Variants in EPPK1 observed in about 807,000 individuals in gnomAD.
The protein encoded by EPPK1 is epiplakin 1, also known as epiplakin.
For missense variants in EPPK1, 3,823 were observed against 3,673.3 expected, an observed-to-expected ratio of 1.04 and a Z score of -1.05; for synonymous variants, 1,862 against 1,721.2, an observed-to-expected ratio of 1.08 and a Z score of -2.03.
In EPPK1 at chr8:143,867,610, C is replaced by T; in HGVS notation, c.5644G>A (p.Ala1882Thr). The T allele has an allele frequency of 6.2e-7, 1 of 1,613,230 alleles. No homozygotes were observed. The highest frequency in any genetic ancestry group is 2.2e-5 in the East Asian group (1 of 44,886). Residue 1882 changes from alanine (A) to threonine (T), a missense_variant, in exon 2 of 2, where the codon GCA becomes ACA. By Grantham distance (58) the Ala-to-Thr change is moderately conservative (BLOSUM62 0). Transcript: ENST00000615648. ...TLRVGRTGGQ[A>T]LSTLECVKPY... Reference sequence around the variant, plus strand: ...TTCACACACTCCAGCGTGCTGAGTGCCTGTCCCCCAGTCCTCCCCACACGA... The same window carrying T: ...TTCACACACTCCAGCGTGCTGAGTGTCTGTCCCCCAGTCCTCCCCACACGA...
rs544220184 is a variant in EPPK1, at chr8:143,872,312, G to A, written c.942C>T (p.Thr314=). The A allele has an allele frequency of 3.8e-5, 61 of 1,602,650 alleles. No individual in the cohort carries two copies. The highest frequency in any genetic ancestry group is 2.3e-4 in the African/African-American group (17 of 74,866). ...CCTGGGCCTCTAGGAGTGGCAGCGC[G>A]GTGCCCATTGGGAGCAGGTGCTCGG... The part of the protein sequence containing the change: ...AATEHLLPMG[T]ALPLLEAQAA... The change falls in exon 2 of 2, where the codon ACC becomes ACT. Residue 314 remains threonine, a synonymous_variant. Coordinates refer to ENST00000615648, the MANE Select transcript of EPPK1 (RefSeq NM_031308.4).
Position 143,866,668 on chromosome 8 carries a change from T to C in EPPK1, c.6586A>G (p.Met2196Val), listed in dbSNP as rs200828547. ...LLSSAIITEE[M>V]LQDLETGRST... ...CGTCCCGTTTCCAGGTCCTGGAGCA[T>C]TTCCTCCGTGATTATGGCTGAGCTG... The change falls in exon 2 of 2, where the codon ATG (methionine) becomes GTG (valine). Residue 2196 changes from methionine (M) to valine (V), a missense_variant. By Grantham distance (21) the Met-to-Val change is conservative. Coordinates refer to ENST00000615648, the MANE Select transcript of EPPK1 (RefSeq NM_031308.4). The C allele has an allele frequency of 8.5e-4, 1,372 of 1,613,078 alleles. 1 individual carries two copies. The highest frequency in any genetic ancestry group is 1.1e-3 in the Non-Finnish European group (1,301 of 1,179,870).
chr8:143,870,641 C>T lies in EPPK1; in HGVS notation c.2613G>A (p.Glu871=), dbSNP rs1554660858. ...LGQVAKLLEA[E]TQRQADIMLP... ...GCATGATGTCCGCCTGTCTCTGCGT[C>T]TCCGCCTCCAGCAGCTTTGCCACCT... is the stretch of plus-strand genomic sequence containing the variant. The change falls in exon 2 of 2, where the codon GAG becomes GAA. Residue 871 remains glutamate (E), a synonymous_variant. Coordinates refer to ENST00000615648, the MANE Select transcript of EPPK1 (RefSeq NM_031308.4). This position sits in a 1 kb window ranked among gnomAD's most constrained non-coding sequence, Gnocchi z 5.2. 6.2e-7 allele frequency: 1 copy of T among 1,606,536 alleles called. No individual in the cohort carries two copies.
At position 143,869,219 on chromosome 8, in the gene EPPK1, C is replaced by T. The variant is rs1176555563; in HGVS notation, c.4035G>A (p.Gly1345=). The change falls in exon 2 of 2, where the codon GGG becomes GGA. Residue 1345 remains glycine (G), a synonymous_variant. Transcript: ENST00000615648. ...GCAAGCCCTCGTTCTGTGGCACGAG[C>T]CCCTTCTCCATGGCCTGCCACAGAG... The part of the protein sequence containing the change: ...SLSLWQAMEK[G]LVPQNEGLPL... 3 of 1,610,792 alleles carry T rather than the reference C, an allele frequency of 1.9e-6. No individual in the cohort carries two copies. Among genetic ancestry groups the T allele is most frequent in the Admixed American group, 3.3e-5 (2 of 59,996 alleles).
In EPPK1 at chr8:143,873,171, G is replaced by A; in HGVS notation, c.83C>T (p.Ala28Val). The part of the protein sequence containing the change: ...EQASVPRAMA[A>V]TLGAGTPPRP... Reference sequence around the variant, plus strand: ...GGGGGGCGTGCCGGCTCCCAGCGTGGCTGCCATGGCTCTGGGTACACTGGC... The same window carrying A: ...GGGGGGCGTGCCGGCTCCCAGCGTGACTGCCATGGCTCTGGGTACACTGGC... The change falls in exon 2 of 2, where the codon GCC becomes GTC. Residue 28 changes from alanine (A) to valine (V), a missense_variant. Ala to Val is a moderately conservative substitution (Grantham distance 64). Transcript: ENST00000615648. The A allele has an allele frequency of 6.3e-7, 1 of 1,594,632 alleles. No individual in the cohort carries two copies. Among genetic ancestry groups the A allele is most frequent in the Non-Finnish European group, 8.5e-7 (1 of 1,172,876 alleles).
In EPPK1 at chr8:143,872,335, CGGT is replaced by C. The variant is rs1563888244; in HGVS notation, c.916_918del (p.Thr306del). 1 of 1,603,874 alleles carries C rather than the reference CGGT, an allele frequency of 6.2e-7. No homozygotes were observed. Among genetic ancestry groups the C allele is most frequent in the South Asian group, 1.1e-5 (1 of 90,550 alleles). On this transcript the variant is annotated inframe_deletion, in exon 2 of 2. Transcript: ENST00000615648. ...GCGGTGCCCATTGGGAGCAGGTGCT[CGGT>C]GGCAGCCTGGAAAAAGCTCTTCTTG...
In EPPK1 at chr8:143,871,536, A is replaced by G. The variant is rs782033350; in HGVS notation, c.1718T>C (p.Leu573Pro). ...GTCCTGGTCGATGATCTCGGCTTTC[A>G]GCAGCTCTCCTGGTGTCACGGTGTC... ...LRDTVTPGEL[L>P]KAEIIDQDLY... Residue 573 changes from leucine (L) to proline (P), a missense_variant, in exon 2 of 2, where the codon CTG becomes CCG. Coordinates refer to ENST00000615648, the MANE Select transcript of EPPK1 (RefSeq NM_031308.4). 1 of 1,610,066 alleles carries G rather than the reference A, an allele frequency of 6.2e-7. No homozygotes were observed. Among genetic ancestry groups the G allele is most frequent in the South Asian group, 1.1e-5 (1 of 90,474 alleles).
intron 1 of EPPK1, among the ~76,000 whole-genome samples, chr8:143,877,321 C>T (rs782698411): frequency 9.2e-5 from 14 of 151,912 alleles, no homozygotes; most frequent in South Asian, 4.2e-4. Flanking sequence ...ACAGAGGGTC[C>T]GGAGCGAGGG....
At position 143,867,665 on chromosome 8, in the gene EPPK1, C is replaced by G; in HGVS notation, c.5589G>C (p.Arg1863Ser). 1 of 1,613,472 alleles carries G rather than the reference C, an allele frequency of 6.2e-7. No individual in the cohort carries two copies. The highest frequency in any genetic ancestry group is 8.5e-7 in the Non-Finnish European group (1 of 1,179,840). The change falls in exon 2 of 2, where the codon AGG becomes AGC. Residue 1863 changes from arginine (R) to serine (S), a missense_variant. Physicochemically the swap from Arg to Ser is moderately radical, Grantham distance 110 (BLOSUM62 -1). Coordinates refer to ENST00000615648, the MANE Select transcript of EPPK1 (RefSeq NM_031308.4). ...TGTGCAGGGTCTTCTGATCGATGAC[C>G]CTGGAGTTGAACAGGTCTGCAGCTG... The part of the protein sequence containing the change: ...EVTAADLFNS[R>S]VIDQKTLHTL...
rs781796453 is a variant in EPPK1 at position 143,872,860 on chromosome 8, C to T, written c.394G>A (p.Ala132Thr). Residue 132 changes from alanine to threonine, a missense_variant, in exon 2 of 2, where the codon GCC (alanine) becomes ACC (threonine). Transcript: ENST00000615648. ...TCCTTCCCGATGGCCTGAAAGAGGG[C>T]CAGCTTCTCACCGCCGTAGGGGTCA... ...YPDPYGGEKL[A>T]LFQAIGKEVV... is the part of the protein sequence containing the mutation. The T allele has an allele frequency of 3.8e-6, 6 of 1,568,536 alleles. No homozygotes were observed. Among genetic ancestry groups the T allele is most frequent in the Non-Finnish European group, 5.2e-6 (6 of 1,157,378 alleles).
At position 143,866,966 on chromosome 8, in the gene EPPK1, A is replaced by G; in HGVS notation, c.6288T>C (p.Asp2096=). 2 of 1,612,680 alleles carry G rather than the reference A, an allele frequency of 1.2e-6. No homozygotes were observed. The highest frequency in any genetic ancestry group is 1.3e-5 in the African/African-American group (1 of 74,978). ...CCTCCAGGGCCCTTCTCGTCTCGTC[A>G]TCGATGTGCTCGGAGTCCCGTGCAG... The part of the protein sequence containing the change: ...NKAARDSEHI[D]DETRRALEAE... The change falls in exon 2 of 2, where the codon GAT becomes GAC. Residue 2096 remains aspartate (D), a synonymous_variant. Transcript: ENST00000615648.
chr8:143,872,091 C>A lies in EPPK1; in HGVS notation c.1163G>T (p.Arg388Met). Residue 388 changes from arginine to methionine, a missense_variant, in exon 2 of 2, where the codon AGG (arginine) becomes ATG (methionine). Coordinates refer to ENST00000615648, the MANE Select transcript of EPPK1 (RefSeq NM_031308.4). ...ATCCAAGAGCCGCAGTGCCAGTGGC[C>A]TGTCCACTAGCCCCTTCTTCATGGC... ...FQAMKKGLVD[R>M]PLALRLLDAQ... The A allele has an allele frequency of 6.4e-7, 1 of 1,562,424 alleles. No individual in the cohort carries two copies. Among genetic ancestry groups the A allele is most frequent in the Middle Eastern group, 1.7e-4 (1 of 5,904 alleles).
intron 1 of EPPK1, among the ~76,000 whole-genome samples, chr8:143,877,974 G>C (rs1388262894): frequency 2.0e-5 from 3 of 152,114 alleles, no homozygotes; most frequent in Non-Finnish European, 4.4e-5. Context: ...CCGGATCCGT[G>C]ACGCCTCCCT....
rs1819273423 is a variant in EPPK1, at chr8:143,869,726, T to C, written c.3528A>G (p.Leu1176=). Residue 1176 remains leucine, a synonymous_variant, in exon 2 of 2, where the codon CTA becomes CTG. Transcript: ENST00000615648. The part of the protein sequence containing the change: ...QEGRTTVPQL[L]ASVQRWVQET... ...CCTGTACCCACCTCTGCACAGAGGCTAGCAGCTGTGGCACAGTGGTCCTCC... is the reference window on the plus strand; with the variant it reads ...CCTGTACCCACCTCTGCACAGAGGCCAGCAGCTGTGGCACAGTGGTCCTCC... The C allele has an allele frequency of 2.5e-6, 4 of 1,599,514 alleles. No homozygotes were observed. The highest frequency in any genetic ancestry group is 1.6e-4 in the Middle Eastern group (1 of 6,076).
In EPPK1 at chr8:143,870,910, G is replaced by A; in HGVS notation, c.2344C>T (p.Leu782=). ...THENLTYLQL[L]ERCVRDPETG... ...TCGGGGTCACGCACACAGCGCTCCA[G>A]AAGCTGCAGGTACGTGAGGTTCTCG... The change falls in exon 2 of 2, where the codon CTG becomes TTG. Residue 782 remains leucine, a synonymous_variant. Transcript: ENST00000615648. This position sits in a 1 kb window ranked among gnomAD's most constrained non-coding sequence, Gnocchi z 5.2. 6.2e-7 allele frequency: 1 copy of A among 1,613,394 alleles called. No individual in the cohort carries two copies. Among genetic ancestry groups the A allele is most frequent in the Non-Finnish European group, 8.5e-7 (1 of 1,180,010 alleles).
At position 143,857,921 on chromosome 8, in the gene EPPK1, A is replaced by G; in HGVS notation, c.*66T>C. 2.5e-6 allele frequency: 2 copies of G among 793,920 alleles called. No individual in the cohort carries two copies. The highest frequency in any genetic ancestry group is 3.6e-6 in the Non-Finnish European group (2 of 549,560). 49.2% of individuals were successfully genotyped at this position (793,920 alleles called of 1,614,324 possible). ...CAAAAAAAAAAAAAAAAAAAAAAAC[A>G]ACCCAGACACACAAGTATGCCTCCA... On this transcript the variant is annotated 3_prime_UTR_variant, in exon 2 of 2. Transcript: ENST00000615648.
intron 1 of EPPK1, among the ~76,000 whole-genome samples, chr8:143,876,969 G>T (rs944937215): frequency 1.3e-5 from 2 of 152,240 alleles, no homozygotes; most frequent in Non-Finnish European, 2.9e-5. Flanking sequence ...CAGACAGGCC[G>T]CGTGCTAAGC....
In EPPK1 at chr8:143,857,656, T is replaced by G; in HGVS notation, c.*331A>C. ...AAGAGTACCCGATGGCATGATGGAC[T>G]GAGAGTCTAAAGAGTGACATTCTGT... On this transcript the variant is annotated 3_prime_UTR_variant, in exon 2 of 2. Transcript: ENST00000615648. 3.2e-6 allele frequency: 1 copy of G among 317,190 alleles called. No homozygotes were observed. The highest frequency in any genetic ancestry group is 5.7e-6 in the Non-Finnish European group (1 of 174,850). The allele number at this position is 317,190 out of a possible 1,614,324, so 19.6% of individuals were successfully genotyped here.
chr8:143,868,686 C>T lies in EPPK1; in HGVS notation c.4568G>A (p.Gly1523Glu). The T allele has an allele frequency of 1.9e-6, 3 of 1,581,064 alleles. No homozygotes were observed. Among genetic ancestry groups the T allele is most frequent in the Non-Finnish European group, 2.6e-6 (3 of 1,165,764 alleles). Residue 1523 changes from glycine to glutamate, a missense_variant, in exon 2 of 2, where the codon GGG becomes GAG. Transcript: ENST00000615648. ...ERQPLQATFR[G>E]LRKQVSARDL... ...CCTGGCTGACACCTGCTTCCGGAGC[C>T]CTCTGAAGGTGGCCTGCAGGGGCTG...
Sources: allele counts gnomAD v4.1 joint callset (sites outside exome capture counted in the v4.1 genomes callset), GRCh38; gene constraint gnomAD v4.1.1; non-coding constraint Gnocchi (gnomAD v3.1); transcripts MANE v1.5; gene names NCBI Gene and HGNC (gene_info 2026-07-23, HGNC 2026-07-21).